FOXP1: variants seen among roughly 807,000 people sequenced by gnomAD.
FOXP1 encodes forkhead box protein P1.
Under a neutral mutation model 98.2 loss-of-function variants are expected in FOXP1, and 15 were observed. The observed-to-expected ratio is 0.15, with a 90% CI of 0.10 to 0.24. The LOEUF (loss-of-function observed/expected upper bound fraction) is 0.24. FOXP1 is among the 10% of genes least tolerant of loss of function. The pLI is 1.00. For missense variants in FOXP1, 633 were observed against 848.5 expected, an observed-to-expected ratio of 0.75 and a Z score of 3.15; for synonymous variants, 371 against 314.5, an observed-to-expected ratio of 1.18 and a Z score of -1.90.
intron 6 of FOXP1, among the ~76,000 whole-genome samples, chr3:71,179,763 AAC>A (rs761511503): frequency 1.3e-5 from 2 of 152,266 alleles, no homozygotes; most frequent in Non-Finnish European, 2.9e-5. Context: ...CTGAAATGTT[AAC>A]AGTTGTTACC....
chr3:71,581,882 TC>T (rs2048201297), intron 1 of FOXP1, 185 bp from the exon 2 acceptor site: 2 of 982,318 alleles, frequency 2.0e-6, no homozygotes, highest in Non-Finnish European at 2.4e-6. Flanking sequence ...CCTGCAAGGA[TC>T]CAGAGACCGG....
chr3:70,960,547 G>T (rs2033130481), intron 20 of FOXP1, among the ~76,000 whole-genome samples: 1 of 152,204 alleles, frequency 6.6e-6, no homozygotes. Context: ...CTTTTGATAT[G>T]TAAAAGAACC....
At chr3:71,323,446 A>G (rs1414505063) in intron 4 of FOXP1, among the ~76,000 whole-genome samples, 4 of 152,170 alleles carry the variant, frequency 2.6e-5, no homozygotes, top group African/African-American at 7.2e-5. Flanking sequence ...GACAGAATCA[A>G]TGAGACCTAC....
chr3:70,983,018 A>G (rs2039131656), intron 14 of FOXP1, among the ~76,000 whole-genome samples: 1 of 152,206 alleles, frequency 6.6e-6, no homozygotes, highest in African/African-American at 2.4e-5. Context: ...TCCTGCTTTA[A>G]CTGCATGGCA....
At chr3:71,017,217 T>C (rs945038263) in intron 11 of FOXP1, among the ~76,000 whole-genome samples, 1 of 152,128 alleles carries the variant, frequency 6.6e-6, no homozygotes, top group Non-Finnish European at 1.5e-5. Flanking sequence ...CCTATTTGTG[T>C]TCATCTTCAG....
chr3:71,441,561 C>A (rs1215843465), intron 3 of FOXP1, among the ~76,000 whole-genome samples: 1 of 152,192 alleles, frequency 6.6e-6, no homozygotes, highest in African/African-American at 2.4e-5. Flanking sequence ...GGAGAATGAT[C>A]CTACGATGCC....
At chr3:71,287,105 T>G (rs563750834) in intron 5 of FOXP1, among the ~76,000 whole-genome samples, 34 of 152,272 alleles carry the variant, frequency 2.2e-4, no homozygotes, top group African/African-American at 7.7e-4. Context: ...GATCGTTTAA[T>G]GATAAAAGCA....
intron 4 of FOXP1, among the ~76,000 whole-genome samples, chr3:71,316,495 C>T (rs1010860838): frequency 2.0e-5 from 3 of 152,066 alleles, no homozygotes; most frequent in East Asian, 1.9e-4. Context: ...TGCCACTACC[C>T]GGGTCCCACG....
intron 11 of FOXP1, among the ~76,000 whole-genome samples, chr3:71,038,569 A>G (rs536117958): frequency 6.6e-6 from 1 of 152,230 alleles, no homozygotes; most frequent in Non-Finnish European, 1.5e-5. Flanking sequence ...TGGTTATCAC[A>G]CGTGATTTTT....
At chr3:71,088,393 G>GTTTTGTTTTTT (rs1553730902) in intron 7 of FOXP1, among the ~76,000 whole-genome samples, 5 of 120,148 alleles carry the variant, frequency 4.2e-5, no homozygotes, top group Non-Finnish European at 3.7e-5. Flanking sequence ...ACATTGTTTT[G>GTTTTGTTTTTT]TTTTTTGTTT....
intron 3 of FOXP1, among the ~76,000 whole-genome samples, chr3:71,473,715 T>C (rs2089566605): frequency 6.7e-6 from 1 of 148,896 alleles, no homozygotes; most frequent in African/African-American, 2.5e-5. Context: ...TGGTTTAAAC[T>C]GGTGATCCTC....
rs1224232111 is a variant in FOXP1 at position 71,112,593 on chromosome 3, C to T, written c.225G>A (p.Gln75=). 1 of 1,614,084 alleles carries T rather than the reference C, an allele frequency of 6.2e-7. No homozygotes were observed. Among genetic ancestry groups the T allele is most frequent in the Non-Finnish European group, 8.5e-7 (1 of 1,179,942 alleles). ...ARQLLLQQQQ[Q]QQVSGLKSPK... is the part of the protein sequence containing the mutation. ...GAGATTTTAATCCACTAACTTGCTG[C>T]TGCTGTTGCTGCTGAAGAAGGAGCT... is the stretch of plus-strand genomic sequence containing the variant. Residue 75 remains glutamine, a synonymous_variant, in exon 7 of 21, where the codon CAG becomes CAA. Transcript: ENST00000649528.
intron 6 of FOXP1, among the ~76,000 whole-genome samples, chr3:71,194,351 C>T (rs1469274264): frequency 2.6e-5 from 4 of 151,770 alleles, no homozygotes; most frequent in African/African-American, 4.8e-5. Flanking sequence ...TATTTAACAG[C>T]TATTCATTTT....
At chr3:70,967,138 C>A (rs1261768997) in intron 19 of FOXP1, among the ~76,000 whole-genome samples, 3 of 152,216 alleles carry the variant, frequency 2.0e-5, no homozygotes, top group South Asian at 2.1e-4. Flanking sequence ...AGATGTACTT[C>A]TTTTCACAAG....
At chr3:71,454,510 A>C (rs1425014176) in intron 3 of FOXP1, among the ~76,000 whole-genome samples, 1 of 152,162 alleles carries the variant, frequency 6.6e-6, no homozygotes, top group Non-Finnish European at 1.5e-5. Context: ...TAAATGACTG[A>C]ACCTTGAGGT....
intron 4 of FOXP1, among the ~76,000 whole-genome samples, chr3:71,309,794 A>G (rs1231191618): frequency 6.6e-6 from 1 of 152,136 alleles, no homozygotes; most frequent in Non-Finnish European, 1.5e-5. Context: ...GACCACCAAG[A>G]ACCTCACCAT....
At chr3:71,333,236 T>C (rs1026471834) in intron 4 of FOXP1, 17 of 152,172 alleles carry the variant, frequency 1.1e-4, no homozygotes, top group African/African-American at 3.4e-4. Flanking sequence ...TTAGAAAGCA[T>C]GCCAGTAGCC....
chr3:71,236,758 A>G (rs2066813667), intron 5 of FOXP1, among the ~76,000 whole-genome samples: 1 of 152,012 alleles, frequency 6.6e-6, no homozygotes, highest in South Asian at 2.1e-4. Flanking sequence ...CCACAGTCCC[A>G]GCTACTCAGG....
At chr3:71,318,737 G>T (rs1292633945) in intron 4 of FOXP1, among the ~76,000 whole-genome samples, 1 of 152,172 alleles carries the variant, frequency 6.6e-6, no homozygotes, top group East Asian at 1.9e-4. Flanking sequence ...TCTGAGAGGT[G>T]ATTAGAATAG....
Sources: allele counts gnomAD v4.1 joint callset (sites outside exome capture counted in the v4.1 genomes callset), GRCh38; gene constraint gnomAD v4.1.1; transcripts MANE v1.5; gene names NCBI Gene and HGNC (gene_info 2026-07-23, HGNC 2026-07-21).